PAPPA: variants seen among roughly 807,000 people sequenced by gnomAD.
PAPPA encodes pappalysin-1.
In PAPPA, 60 loss-of-function variants were observed where a neutral mutation model predicts 164.0. That is an observed-to-expected ratio of 0.37 (90% CI 0.30 to 0.45). The LOEUF is 0.45. Ranked by LOEUF, PAPPA falls within the 20% of genes least tolerant of loss-of-function variation. PAPPA has a pLI of 1.00. For synonymous variants in PAPPA, 875 were observed against 814.1 expected, an observed-to-expected ratio of 1.07 and a Z score of -1.27; for missense variants, 1,782 against 2,087.3, an observed-to-expected ratio of 0.85 and a Z score of 2.85.
intron 1 of PAPPA, among the ~76,000 whole-genome samples, chr9:116,164,556 C>T (rs1012837236): frequency 3.3e-5 from 5 of 152,182 alleles, no homozygotes; most frequent in East Asian, 3.9e-4. Flanking sequence ...GTAGGGGCAG[C>T]GTACCACTAG....
At chr9:116,390,867 A>T (rs946600936) in intron 21 of PAPPA, among the ~76,000 whole-genome samples, 2 of 152,158 alleles carry the variant, frequency 1.3e-5, no homozygotes, top group Non-Finnish European at 2.9e-5. Context: ...TGTCAAAACC[A>T]TCACCACCAT....
intron 10 of PAPPA, among the ~76,000 whole-genome samples, chr9:116,303,367 G>T (rs1259280263): frequency 1.3e-5 from 2 of 152,072 alleles, no homozygotes; most frequent in African/African-American, 4.8e-5. Flanking sequence ...ACCTCTCTGG[G>T]CCCTATTTTT....
In PAPPA at chr9:116,202,639, G is replaced by A. The variant is rs562488614; in HGVS notation, c.1479-4817G>A. 2.7e-4 allele frequency among the ~76,000 whole-genome samples: 41 copies of A among 152,258 alleles called. 2 individuals are homozygous for A. In the South Asian group the frequency reaches 8.1e-3, roughly 30 times the overall value. Reference sequence around the variant, plus strand: ...AGGGGAAAGTTTCTAAATCAGGAGGGACATTTCAATCTAGCCAACATTTTC... The same window carrying A: ...AGGGGAAAGTTTCTAAATCAGGAGGAACATTTCAATCTAGCCAACATTTTC... On this transcript the variant is annotated intron_variant, in intron 2 of 21. Transcript: ENST00000328252.
chr9:116,363,892 G>T (rs1379820999), intron 18 of PAPPA, among the ~76,000 whole-genome samples: 1 of 152,154 alleles, frequency 6.6e-6, no homozygotes, highest in Non-Finnish European at 1.5e-5. Context: ...ACTTACAGTG[G>T]GAATCAGCAC....
In PAPPA at chr9:116,344,555, C is replaced by A. The variant is rs202244318; in HGVS notation, c.3624C>A (p.Phe1208Leu). ...YSPAEQSCVH[F>L]ACEKTDCPEL... is the part of the protein sequence containing the mutation. The stretch of plus-strand genomic sequence containing the variant: ...CTTTCCTCCCCAGCTGCGTGCACTT[C>A]GCATGTGAGAAAACTGACTGTCCAG... Residue 1208 changes from phenylalanine to leucine, a missense_variant, in exon 14 of 22, where the codon TTC (phenylalanine) becomes TTA (leucine). Transcript: ENST00000328252. 2 of 1,613,336 alleles carry A rather than the reference C, an allele frequency of 1.2e-6. No individual in the cohort carries two copies. Among genetic ancestry groups the A allele is most frequent in the Non-Finnish European group, 1.7e-6 (2 of 1,179,472 alleles).
At chr9:116,159,412 G>GAACTCTCTA (rs1333999133) in intron 1 of PAPPA, among the ~76,000 whole-genome samples, 1 of 152,084 alleles carries the variant, frequency 6.6e-6, no homozygotes, top group African/African-American at 2.4e-5. Flanking sequence ...GAGTTGCTGG[G>GAACTCTCTA]GAGTCTCTCT....
At chr9:116,231,731 T>C (rs1441884174) in intron 6 of PAPPA, among the ~76,000 whole-genome samples, 1 of 150,030 alleles carries the variant, frequency 6.7e-6, no homozygotes, top group Non-Finnish European at 1.5e-5. Context: ...AGTGTCTGTG[T>C]CTCTAAACAG....
chr9:116,279,157 T>C (rs1441146257), intron 9 of PAPPA, among the ~76,000 whole-genome samples: 1 of 152,136 alleles, frequency 6.6e-6, no homozygotes, highest in Non-Finnish European at 1.5e-5. Flanking sequence ...AGGATTTAAA[T>C]CCCAGGTTGT....
Position 116,154,545 on chromosome 9 carries a change from C to T in PAPPA, c.373C>T (p.Leu125=), listed in dbSNP as rs1015620866. 19 of 1,405,878 alleles carry T rather than the reference C, an allele frequency of 1.4e-5. No homozygotes were observed. The highest frequency in any genetic ancestry group is 1.8e-5 in the Non-Finnish European group (19 of 1,077,856). The allele number at this position is 1,405,878 out of a possible 1,614,324, so 87.1% of individuals were successfully genotyped here. A position where few individuals can be genotyped will look rare whatever the true frequency, so the allele number is the denominator to read the frequency against. Residue 125 remains leucine, a synonymous_variant, in exon 1 of 22, where the codon CTG becomes TTG. Transcript: ENST00000328252. This position sits in a 1 kb window ranked among gnomAD's most constrained non-coding sequence, Gnocchi z 5.2. ...GGACGCGTTCACGCTGCAAGTGTGG[C>T]TGCGAGCGGAGGGGGGCCAGAGGTC... ...PRDAFTLQVW[L]RAEGGQRSPA...
At chr9:116,257,044 C>A (rs1466542332) in intron 7 of PAPPA, among the ~76,000 whole-genome samples, 2 of 151,572 alleles carry the variant, frequency 1.3e-5, no homozygotes, top group Admixed American at 6.6e-5. Context: ...AAACAAAACA[C>A]AAATAAACAA....
intron 1 of PAPPA, among the ~76,000 whole-genome samples, chr9:116,180,020 T>C (rs1002086340): frequency 2.0e-5 from 3 of 152,124 alleles, no homozygotes; most frequent in African/African-American, 7.2e-5. Flanking sequence ...CCACAGCTAG[T>C]GGGCATCCTT....
intron 19 of PAPPA, 90 bp downstream of exon 19, chr9:116,367,844 T>C (rs1236604921): frequency 2.1e-5 from 18 of 846,860 alleles, no homozygotes; most frequent in Middle Eastern, 2.2e-4. Context: ...TCTGAGTTCA[T>C]TCTTTCACAC....
intron 2 of PAPPA, among the ~76,000 whole-genome samples, chr9:116,196,997 G>T (rs1399374536): frequency 6.6e-6 from 1 of 152,176 alleles, no homozygotes; most frequent in African/African-American, 2.4e-5. Context: ...TGCAAAGGAG[G>T]TTTCTTTCCC....
chr9:116,368,387 A>C (rs1846529963), intron 19 of PAPPA, among the ~76,000 whole-genome samples: 1 of 152,230 alleles, frequency 6.6e-6, no homozygotes, highest in African/African-American at 2.4e-5. Flanking sequence ...AGTTGTGGAC[A>C]CTGAAATCTC....
At chr9:116,247,124 G>A (rs1259921481) in intron 7 of PAPPA, among the ~76,000 whole-genome samples, 1 of 152,138 alleles carries the variant, frequency 6.6e-6, no homozygotes, top group Non-Finnish European at 1.5e-5. Context: ...TAGAGGAAAT[G>A]TGTCTATATC....
chr9:116,223,101 G>A (rs1193425748), intron 5 of PAPPA, among the ~76,000 whole-genome samples: 2 of 152,128 alleles, frequency 1.3e-5, no homozygotes, highest in Non-Finnish European at 2.9e-5. Context: ...GGTAGCTGGC[G>A]AATGTGATCA....
chr9:116,239,495 G>A (rs186771236), intron 7 of PAPPA, among the ~76,000 whole-genome samples: 1 of 152,210 alleles, frequency 6.6e-6, no homozygotes, highest in Non-Finnish European at 1.5e-5. Context: ...TGTAGTAAAA[G>A]GAATTCAATA....
At chr9:116,293,350 G>C (rs1390156470) in intron 9 of PAPPA, among the ~76,000 whole-genome samples, 1 of 152,140 alleles carries the variant, frequency 6.6e-6, no homozygotes, top group East Asian at 1.9e-4. Flanking sequence ...TTGCTGATTT[G>C]GGAGACTAAT....
At chr9:116,341,644 C>T (rs926483115) in intron 13 of PAPPA, among the ~76,000 whole-genome samples, 1 of 152,192 alleles carries the variant, frequency 6.6e-6, no homozygotes, top group Admixed American at 6.5e-5. Flanking sequence ...GGCACACACC[C>T]TCCCTCCTGA....
Sources: gnomAD v4.1 joint callset for allele counts (sites outside exome capture counted in the v4.1 genomes callset) on GRCh38, gnomAD v4.1.1 for gene constraint, Gnocchi (gnomAD v3.1) non-coding constraint, MANE v1.5 for transcripts, NCBI Gene and HGNC (gene_info 2026-07-23, HGNC 2026-07-21) for gene names.